Variants in DNAJC5G observed in about 807,000 individuals in gnomAD.
DNAJC5G encodes the protein dnaJ homolog subfamily C member 5G.
Under a neutral mutation model 19.1 loss-of-function variants are expected in DNAJC5G, and 13 were observed. The observed-to-expected ratio is 0.68, with a 90% CI of 0.44 to 1.08. DNAJC5G has a LOEUF of 1.08. DNAJC5G is among the 50% of genes least tolerant of loss of function. The pLI is 0.00. For synonymous variants in DNAJC5G, 81 were observed against 84.4 expected, an observed-to-expected ratio of 0.96 and a Z score of 0.22; for missense variants, 245 against 230.4, an observed-to-expected ratio of 1.06 and a Z score of -0.41.
chr2:27,279,454 T>C (rs1000617111), intron 5 of DNAJC5G, among the ~76,000 whole-genome samples: 10 of 151,966 alleles, frequency 6.6e-5, no homozygotes. Context: ...ACTAAAAAAT[T>C]AGCTGGCTAA....
chr2:27,278,112 G>A, intron 4 of DNAJC5G, 76 bp from the exon 5 acceptor site: 1 of 1,610,442 alleles, frequency 6.2e-7, no homozygotes, highest in Non-Finnish European at 8.5e-7. Flanking sequence ...CTGGGTGCCA[G>A]GAGGATTGAG....
intron 2 of DNAJC5G, 77 bp from the exon 3 acceptor site, chr2:27,276,649 T>G: frequency 7.5e-7 from 1 of 1,324,540 alleles, no homozygotes; most frequent in Non-Finnish European, 1.1e-6. Flanking sequence ...GTAGTGAGTT[T>G]CCTGTCACTG....
At chr2:27,278,161 C>T (rs1188610294) in intron 4 of DNAJC5G, 27 bp from the exon 5 acceptor site, 2 of 1,614,126 alleles carry the variant, frequency 1.2e-6, no homozygotes, top group Non-Finnish European at 1.7e-6. Context: ...AACTGCTGGA[C>T]TGAGGCCATT....
intron 5 of DNAJC5G, 118 bp from the exon 6 acceptor site, chr2:27,280,048 C>A: frequency 2.2e-6 from 2 of 907,972 alleles, no homozygotes; most frequent in Non-Finnish European, 3.5e-6. Flanking sequence ...TTGAACTTGA[C>A]ACCAGCGCCA....
At chr2:27,279,436 C>T (rs1678269018) in intron 5 of DNAJC5G, among the ~76,000 whole-genome samples, 1 of 152,112 alleles carries the variant, frequency 6.6e-6, no homozygotes, top group Non-Finnish European at 1.5e-5. Flanking sequence ...TCCTGAGTAG[C>T]TGGGATTACT....
intron 2 of DNAJC5G, 46 bp from the exon 3 acceptor site, chr2:27,276,680 C>T (rs1176079398): frequency 1.9e-6 from 3 of 1,583,850 alleles, no homozygotes; most frequent in African/African-American, 1.3e-5. Flanking sequence ...TCTCGGTACC[C>T]TTACTTGTAG....
At chr2:27,280,083 C>T in intron 5 of DNAJC5G, 83 bp from the exon 6 acceptor site, 1 of 1,343,314 alleles carries the variant, frequency 7.4e-7, no homozygotes, top group South Asian at 1.2e-5. Context: ...TGAGTAACTG[C>T]AAGGTAACGG....
chr2:27,279,979 GAAGAA>G (rs967078938), intron 5 of DNAJC5G, among the ~76,000 whole-genome samples, 182 bp from the exon 6 acceptor site: 41 of 151,882 alleles, frequency 2.7e-4, no homozygotes, highest in Admixed American at 9.2e-4. Context: ...AGAGGAAGAG[GAAGAA>G]AAGAAAAGGA....
intron 5 of DNAJC5G, among the ~76,000 whole-genome samples, chr2:27,279,004 CAAAAAAAAAAAAA>C (rs1227842823): frequency 5.3e-5 from 3 of 56,834 alleles, no homozygotes; most frequent in African/African-American, 1.6e-4. Flanking sequence ...GACTCCATCT[CAAAAAAAAAAAAA>C]AAAAAGAAAG....
In DNAJC5G at chr2:27,280,477, T is replaced by C. The variant is rs538645004; in HGVS notation, c.*67T>C. The C allele has an allele frequency of 7.2e-6, 3 of 417,900 alleles. No homozygotes were observed. Among genetic ancestry groups the C allele is most frequent in the African/African-American group, 2.0e-5 (1 of 50,354 alleles). 25.9% of individuals were successfully genotyped at this position (417,900 alleles called of 1,614,324 possible). On this transcript the variant is annotated 3_prime_UTR_variant, in exon 7 of 7. Coordinates refer to ENST00000296097, the MANE Select transcript of DNAJC5G (RefSeq NM_173650.3). ...TCTGCTGCCCAGTCCCCTGGACACA[T>C]TGAAGAGAGGAGCAAGTAGCCCTGT...
At chr2:27,278,970 A>C (rs1444418579) in intron 5 of DNAJC5G, among the ~76,000 whole-genome samples, 2 of 148,814 alleles carry the variant, frequency 1.3e-5, no homozygotes, top group East Asian at 3.9e-4. Flanking sequence ...ATGCCACTGC[A>C]CTCCAGCTTG....
chr2:27,277,807 T>C lies in DNAJC5G; in HGVS notation c.167T>C (p.Leu56Pro), dbSNP rs1238001473. The C allele has an allele frequency of 5.6e-6, 9 of 1,614,036 alleles. No homozygotes were observed. In the East Asian group the frequency reaches 2.0e-4, roughly 36 times the overall value. ...TTTGAGTATCACCTGGGTAGGAAAC[T>C]GGCCTTGCGGTATCATCCCGACAAG... ...PPFEYHLGRKLALRYHPDKNP... is the reference protein window; with the variant it reads ...PPFEYHLGRKPALRYHPDKNP... Residue 56 changes from leucine (L) to proline (P), a missense_variant, in exon 4 of 7, where the codon CTG becomes CCG. Coordinates refer to ENST00000296097, the MANE Select transcript of DNAJC5G (RefSeq NM_173650.3).
chr2:27,276,899 C>A, intron 3 of DNAJC5G, 58 bp downstream of exon 3: 33 of 1,169,892 alleles, frequency 2.8e-5, no homozygotes, highest in Non-Finnish European at 3.4e-5. Flanking sequence ...CTTTTTCTTT[C>A]TGTATCTCTT....
chr2:27,278,869 G>T (rs1443053346), intron 5 of DNAJC5G, among the ~76,000 whole-genome samples: 2 of 151,378 alleles, frequency 1.3e-5, no homozygotes. Flanking sequence ...GCCAGGTGTG[G>T]TGGCGGGCGC....
Position 27,278,005 on chromosome 2 carries a change from G to C in DNAJC5G, c.365G>C (p.Cys122Ser). 1 of 1,614,160 alleles carries C rather than the reference G, an allele frequency of 6.2e-7. No individual in the cohort carries two copies. The highest frequency in any genetic ancestry group is 1.1e-5 in the South Asian group (1 of 91,078). ...GVRYYFILNS[C>S]WFKTLVILCT... ...AGATACTATTTTATTCTGAATAGTT[G>C]TTGGTTCAAGGTACACAATTCTCCA... The change falls in exon 4 of 7, where the codon TGT becomes TCT. Residue 122 changes from cysteine (C) to serine (S), a missense_variant. Transcript: ENST00000296097.
At chr2:27,276,595 T>C in intron 2 of DNAJC5G, 131 bp from the exon 3 acceptor site, 1 of 699,442 alleles carries the variant, frequency 1.4e-6, no homozygotes, top group Non-Finnish European at 2.4e-6. Flanking sequence ...ACTCTTATCT[T>C]ATCCTTGTCC....
Position 27,277,172 on chromosome 2 carries a change from C to G in DNAJC5G, c.113+331C>G, listed in dbSNP as rs530534964. Reference sequence around the variant, plus strand: ...GGCCAGGCTGGTCTCAAACTCCTGACCTCAGGTGATCTACCTGCCTCGGCC... The same window carrying G: ...GGCCAGGCTGGTCTCAAACTCCTGAGCTCAGGTGATCTACCTGCCTCGGCC... On this transcript the variant is annotated intron_variant, in intron 3 of 6. Transcript: ENST00000296097. 2.0e-5 allele frequency among the ~76,000 whole-genome samples: 3 copies of G among 152,162 alleles called. No homozygotes were observed. In the South Asian group the frequency reaches 6.2e-4, roughly 32 times the overall value.
intron 5 of DNAJC5G, among the ~76,000 whole-genome samples, chr2:27,279,305 G>A (rs560366170): frequency 1.4e-5 from 2 of 144,000 alleles, no homozygotes; most frequent in South Asian, 4.6e-4. Flanking sequence ...GTTGTTGTTG[G>A]TGGTGGTGGT....
intron 1 of DNAJC5G, 46 bp downstream of exon 1, chr2:27,275,599 GC>G (rs1246480583): frequency 7.7e-6 from 2 of 261,360 alleles, no homozygotes; most frequent in African/African-American, 4.4e-5. Context: ...GGCCAGAGGT[GC>G]CCTGCACACT....
Sources: gnomAD v4.1 joint callset for allele counts (sites outside exome capture counted in the v4.1 genomes callset) on GRCh38, gnomAD v4.1.1 for gene constraint, MANE v1.5 for transcripts, NCBI Gene and HGNC (gene_info 2026-07-23, HGNC 2026-07-21) for gene names.